Variants in LRRTM4 observed in about 807,000 individuals in gnomAD.
LRRTM4 encodes leucine rich repeat transmembrane neuronal 4.
Under a neutral mutation model 47.6 loss-of-function variants are expected in LRRTM4, and 25 were observed. The observed-to-expected ratio is 0.53, with a 90% CI of 0.38 to 0.73. The LOEUF (loss-of-function observed/expected upper bound fraction) is 0.73, where lower values mean the gene tolerates loss of function less well. Among genes scored for constraint, LRRTM4 ranks in the 30% least tolerant of loss-of-function variants. The pLI is 0.00. For missense variants in LRRTM4, 638 were observed against 713.4 expected (o/e 0.89, Z 1.20); for synonymous variants, 311 against 269.5 (o/e 1.15, Z -1.51).
At chr2:76,949,921 G>A (rs1039415173) in intron 3 of LRRTM4, among the ~76,000 whole-genome samples, 7 of 151,800 alleles carry the variant, frequency 4.6e-5, no homozygotes, top group African/African-American at 1.2e-4. Context: ...GCCAAATTAA[G>A]AGCCATGAGA....
At chr2:76,853,040 A>C (rs1314643920) in intron 3 of LRRTM4, among the ~76,000 whole-genome samples, 1 of 152,146 alleles carries the variant, frequency 6.6e-6, no homozygotes, top group East Asian at 1.9e-4. Context: ...TAGAGAGATG[A>C]GACTGACTTT....
intron 3 of LRRTM4, among the ~76,000 whole-genome samples, chr2:77,157,020 C>A (rs181028194): frequency 2.0e-5 from 3 of 151,692 alleles, no homozygotes; most frequent in Non-Finnish European, 4.4e-5. Flanking sequence ...ACAGTAATAA[C>A]AATTGTTATT....
At chr2:77,144,769 G>GA (rs200395127) in intron 3 of LRRTM4, among the ~76,000 whole-genome samples, 193 of 150,358 alleles carry the variant, frequency 1.3e-3, no homozygotes, top group African/African-American at 4.1e-3. Flanking sequence ...TGATCAAAGA[G>GA]AAAAAAAAAG....
chr2:77,522,029 T>C, intron 1 of LRRTM4, 80 bp downstream of exon 1: 1 of 707,138 alleles, frequency 1.4e-6, no homozygotes, highest in Non-Finnish European at 2.6e-6. Flanking sequence ...TGGCAATCTG[T>C]GCAAAAGAGC....
intron 3 of LRRTM4, among the ~76,000 whole-genome samples, chr2:77,234,195 C>T (rs1454315362): frequency 1.3e-5 from 2 of 152,076 alleles, no homozygotes; most frequent in Non-Finnish European, 2.9e-5. Context: ...TATGAAAACC[C>T]AAATCATATA....
chr2:77,001,089 A>G (rs1573432127), intron 3 of LRRTM4, among the ~76,000 whole-genome samples: 1 of 152,172 alleles, frequency 6.6e-6, no homozygotes, highest in Admixed American at 6.6e-5. Flanking sequence ...CTAACTAACT[A>G]AAGTTATCCT....
chr2:76,964,414 C>T (rs925026272), intron 3 of LRRTM4, among the ~76,000 whole-genome samples: 1 of 150,952 alleles, frequency 6.6e-6, no homozygotes, highest in African/African-American at 2.4e-5. Flanking sequence ...TATTCCTATA[C>T]TATCAAAAGT....
chr2:76,973,903 GT>G (rs1343943705), intron 3 of LRRTM4, among the ~76,000 whole-genome samples: 9 of 151,634 alleles, frequency 5.9e-5, no homozygotes, highest in Non-Finnish European at 1.5e-5. Context: ...GAAAGTTACT[GT>G]TCAGCTTTTC....
chr2:76,839,950 A>T, intron 3 of LRRTM4, among the ~76,000 whole-genome samples: 1 of 152,162 alleles, frequency 6.6e-6, no homozygotes, highest in East Asian at 1.9e-4. Flanking sequence ...AGTGAGAATT[A>T]TTGGGTGTCT....
chr2:76,812,895 A>T (rs1670787293), intron 3 of LRRTM4, among the ~76,000 whole-genome samples: 1 of 151,212 alleles, frequency 6.6e-6, no homozygotes, highest in Admixed American at 6.6e-5. Flanking sequence ...GCCACACTGA[A>T]TTTATACATT....
chr2:76,815,203 T>A (rs1459366804), intron 3 of LRRTM4, among the ~76,000 whole-genome samples: 1 of 152,136 alleles, frequency 6.6e-6, no homozygotes, highest in Non-Finnish European at 1.5e-5. Flanking sequence ...AAAAAGATTA[T>A]AGCTGATGGG....
intron 3 of LRRTM4, among the ~76,000 whole-genome samples, chr2:77,137,335 A>G (rs1009029598): frequency 3.3e-5 from 5 of 151,936 alleles, no homozygotes; most frequent in Admixed American, 2.6e-4. Context: ...TTCTTAAAGA[A>G]AACAATTTTC....
At chr2:76,993,150 C>T (rs1310552913) in intron 3 of LRRTM4, among the ~76,000 whole-genome samples, 1 of 151,798 alleles carries the variant, frequency 6.6e-6, no homozygotes, top group Non-Finnish European at 1.5e-5. Flanking sequence ...AAAAGTAAGA[C>T]CTCAAACTGT....
chr2:77,506,855 A>G (rs953768218), intron 3 of LRRTM4, among the ~76,000 whole-genome samples: 32 of 152,012 alleles, frequency 2.1e-4, no homozygotes. Flanking sequence ...TTAGGAATAT[A>G]CTTTCAAAAA....
At chr2:76,969,457 A>G (rs1481077515) in intron 3 of LRRTM4, among the ~76,000 whole-genome samples, 1 of 152,048 alleles carries the variant, frequency 6.6e-6, no homozygotes, top group Non-Finnish European at 1.5e-5. Context: ...AAGTTGTAAG[A>G]GCAGATCTAA....
At chr2:77,434,100 C>T (rs956755323) in intron 3 of LRRTM4, among the ~76,000 whole-genome samples, 1 of 152,134 alleles carries the variant, frequency 6.6e-6, no homozygotes, top group Non-Finnish European at 1.5e-5. Flanking sequence ...GATTGCCCTA[C>T]TAAGTTTCCC....
intron 3 of LRRTM4, among the ~76,000 whole-genome samples, chr2:77,004,661 C>T (rs1239582656): frequency 2.6e-5 from 4 of 152,130 alleles, no homozygotes; most frequent in African/African-American, 4.8e-5. Flanking sequence ...AATGGGGCCA[C>T]CGTCCTCCAG....
chr2:77,010,537 C>CACACAT (rs1296246910), intron 3 of LRRTM4, among the ~76,000 whole-genome samples: 1 of 126,334 alleles, frequency 7.9e-6, no homozygotes, highest in African/African-American at 2.8e-5. Context: ...CACACACACA[C>CACACAT]ACACACACAG....
chr2:76,821,132 G>A (rs1325853038), intron 3 of LRRTM4, among the ~76,000 whole-genome samples: 8 of 151,636 alleles, frequency 5.3e-5, no homozygotes, highest in Non-Finnish European at 1.0e-4. Flanking sequence ...AGCAGTCTGT[G>A]ACCAGGTTAA....
Sources: allele counts gnomAD v4.1 joint callset (sites outside exome capture counted in the v4.1 genomes callset), GRCh38; gene constraint gnomAD v4.1.1; transcripts MANE v1.5; gene names NCBI Gene and HGNC (gene_info 2026-07-23, HGNC 2026-07-21).